SDK1: variants seen among roughly 807,000 people sequenced by gnomAD.
SDK1 encodes the protein sidekick cell adhesion molecule 1, also known as protein sidekick-1.
A neutral mutation model predicts 245.5 loss-of-function variants in SDK1; 157 were observed. The observed-to-expected ratio is 0.64, with a 90% confidence interval of 0.56 to 0.73. The LOEUF is 0.73. Among genes scored for constraint, SDK1 ranks in the 30% least tolerant of loss-of-function variants. The pLI, the probability that SDK1 is intolerant of heterozygous loss-of-function variation, is 0.00. For synonymous variants in SDK1, 1,647 were observed against 1,278.5 expected, an observed-to-expected ratio of 1.29 and a Z score of -6.15; for missense variants, 3,583 against 3,002.3, an observed-to-expected ratio of 1.19 and a Z score of -4.52.
At chr7:3,305,687 C>G (rs1212679265) in intron 1 of SDK1, among the ~76,000 whole-genome samples, 1 of 152,134 alleles carries the variant, frequency 6.6e-6, no homozygotes, top group Non-Finnish European at 1.5e-5. Flanking sequence ...TTAGTGAGTG[C>G]TCAGATAGTT....
chr7:3,655,352 G>C (rs1348148517), intron 4 of SDK1, among the ~76,000 whole-genome samples: 12 of 150,000 alleles, frequency 8.0e-5, no homozygotes, highest in Middle Eastern at 3.5e-3. Context: ...AGAATCACTT[G>C]AACCCAGGAG....
In SDK1 at chr7:4,268,019, T is replaced by C; in HGVS notation, c.*2635T>C. On this transcript the variant is annotated 3_prime_UTR_variant, in exon 45 of 45. Coordinates refer to ENST00000404826, the MANE Select transcript of SDK1 (RefSeq NM_152744.4). Reference sequence around the variant, plus strand: ...AGGGAAGGAAAAGAAAATCACAGCCTAGGAAGATGGAGGTTGGATTTTAAT... The same window carrying C: ...AGGGAAGGAAAAGAAAATCACAGCCCAGGAAGATGGAGGTTGGATTTTAAT... 1 of 985,430 alleles carries C rather than the reference T, an allele frequency of 1.0e-6. No homozygotes were observed. The highest frequency in any genetic ancestry group is 1.2e-6 in the Non-Finnish European group (1 of 829,924). 61.0% of individuals were successfully genotyped at this position (985,430 alleles called of 1,614,324 possible).
chr7:3,379,952 A>T (rs1333793707), intron 1 of SDK1, among the ~76,000 whole-genome samples: 2 of 152,180 alleles, frequency 1.3e-5, no homozygotes, highest in Non-Finnish European at 2.9e-5. Flanking sequence ...TAATCCAAAA[A>T]TCCAAAGGCT....
Position 3,594,915 on chromosome 7 carries a change from C to T in SDK1, c.299-24165C>T, listed in dbSNP as rs576987621. 2.0e-5 allele frequency among the ~76,000 whole-genome samples: 3 copies of T among 152,270 alleles called. No homozygotes were observed. The South Asian group carries it at 6.2e-4, about 32-fold the overall frequency. ...ATGTTATTTCTAGGTAAAGCTAAAT[C>T]ATCATTAATGTATAGGGTTTACTGT... is the stretch of plus-strand genomic sequence containing the variant. On this transcript the variant is annotated intron_variant, in intron 1 of 44. Coordinates refer to ENST00000404826, the MANE Select transcript of SDK1 (RefSeq NM_152744.4).
chr7:4,083,757 GT>G (rs1781245543), intron 22 of SDK1, among the ~76,000 whole-genome samples: 2 of 520 alleles, frequency 3.8e-3, no homozygotes, highest in Admixed American at 0.036. Flanking sequence ...TTTACTTCCT[GT>G]CTCCCTCCCT....
chr7:3,836,655 T>G (rs1780034809), intron 5 of SDK1, among the ~76,000 whole-genome samples: 1 of 152,216 alleles, frequency 6.6e-6, no homozygotes, highest in Non-Finnish European at 1.5e-5. Flanking sequence ...AACACCCAAC[T>G]TAAGAACAAA....
chr7:3,792,418 T>G (rs1411749658), intron 4 of SDK1, among the ~76,000 whole-genome samples: 2 of 152,248 alleles, frequency 1.3e-5, no homozygotes, highest in Non-Finnish European at 2.9e-5. Context: ...ATCTACGTTC[T>G]TGAGGGCATG....
At chr7:3,586,886 C>T (rs1780707805) in intron 1 of SDK1, among the ~76,000 whole-genome samples, 1 of 152,114 alleles carries the variant, frequency 6.6e-6, no homozygotes, top group African/African-American at 2.4e-5. Context: ...TGTGCTGGAG[C>T]TGTTGTGAGA....
intron 4 of SDK1, among the ~76,000 whole-genome samples, chr7:3,680,292 C>T (rs1013455891): frequency 1.1e-4 from 17 of 152,128 alleles, no homozygotes; most frequent in African/African-American, 2.2e-4. Flanking sequence ...GAGTTAGAGA[C>T]GTAGGAGAGC....
intron 1 of SDK1, among the ~76,000 whole-genome samples, chr7:3,535,265 C>G (rs1308440042): frequency 6.6e-6 from 1 of 151,422 alleles, no homozygotes; most frequent in African/African-American, 2.4e-5. Flanking sequence ...ACTTTGTCTC[C>G]AAAAAAATAA....
chr7:4,227,935 G>A (rs1328476363), intron 40 of SDK1, among the ~76,000 whole-genome samples: 1 of 152,196 alleles, frequency 6.6e-6, no homozygotes, highest in Non-Finnish European at 1.5e-5. Flanking sequence ...TCTGTCGGCT[G>A]GAGACAAGCA....
intron 5 of SDK1, among the ~76,000 whole-genome samples, chr7:3,885,841 G>A (rs967181501): frequency 6.6e-6 from 1 of 152,148 alleles, no homozygotes; most frequent in Non-Finnish European, 1.5e-5. Flanking sequence ...GATGACAAAT[G>A]CTAACACTCA....
intron 5 of SDK1, among the ~76,000 whole-genome samples, chr7:3,906,848 G>T (rs571296179): frequency 2.0e-4 from 30 of 151,716 alleles, no homozygotes; most frequent in Non-Finnish European, 3.8e-4. Flanking sequence ...TAGGCTGGTC[G>T]CAAACTCCTG....
chr7:3,426,399 G>A (rs886759059), intron 1 of SDK1, among the ~76,000 whole-genome samples: 2 of 152,184 alleles, frequency 1.3e-5, no homozygotes, highest in Non-Finnish European at 2.9e-5. Context: ...GGCTGGCCTT[G>A]TTCTAGCAGC....
chr7:3,494,475 A>T lies in SDK1; in HGVS notation c.299-124605A>T, dbSNP rs182661605. 2.0e-5 allele frequency among the ~76,000 whole-genome samples: 3 copies of T among 152,268 alleles called. No individual in the cohort carries two copies. In the East Asian group the frequency reaches 5.8e-4, roughly 29 times the overall value. ...GGGAAGACAGTGTTAGAAATTACAG[A>T]TTTGTGAAAGAATTTTTTTTGTTTT... On this transcript the variant is annotated intron_variant, in intron 1 of 44. Coordinates refer to ENST00000404826, the MANE Select transcript of SDK1 (RefSeq NM_152744.4).
At chr7:3,534,735 C>T (rs1042298213) in intron 1 of SDK1, among the ~76,000 whole-genome samples, 1 of 152,172 alleles carries the variant, frequency 6.6e-6, no homozygotes, top group Non-Finnish European at 1.5e-5. Flanking sequence ...TGGAAGTCCT[C>T]AGTAAGGTTT....
intron 22 of SDK1, among the ~76,000 whole-genome samples, chr7:4,083,383 C>A (rs1004636862): frequency 1.3e-5 from 2 of 152,116 alleles, no homozygotes; most frequent in African/African-American, 4.8e-5. Context: ...GTTGAGAAAA[C>A]CCAGCCAGTC....
intron 44 of SDK1, among the ~76,000 whole-genome samples, chr7:4,253,001 T>G (rs1787413138): frequency 6.6e-6 from 1 of 152,162 alleles, no homozygotes; most frequent in South Asian, 2.1e-4. Context: ...AATAATTCAT[T>G]CCTGATTTTA....
chr7:3,962,948 G>A, intron 9 of SDK1, 97 bp downstream of exon 9: 2 of 501,586 alleles, frequency 4.0e-6, no homozygotes, highest in South Asian at 6.6e-5. Context: ...GGTACACCCA[G>A]GCTCACAGCT....
Sources: gnomAD v4.1 joint callset for allele counts (sites outside exome capture counted in the v4.1 genomes callset) on GRCh38, gnomAD v4.1.1 for gene constraint, MANE v1.5 for transcripts, NCBI Gene and HGNC (gene_info 2026-07-23, HGNC 2026-07-21) for gene names.